Variants in PSMA1 observed in about 807,000 individuals in gnomAD.
PSMA1 encodes proteasome subunit alpha type-1.
A neutral mutation model predicts 38.4 loss-of-function variants in PSMA1; 3 were observed. That is an observed-to-expected ratio of 0.08 (90% CI 0.04 to 0.20). PSMA1 has a LOEUF of 0.20. Ranked by LOEUF, PSMA1 falls within the 10% of genes least tolerant of loss-of-function variation. The pLI is 1.00. For synonymous variants in PSMA1, 101 were observed against 107.1 expected, an observed-to-expected ratio of 0.94 and a Z score of 0.35; for missense variants, 227 against 325.3, an observed-to-expected ratio of 0.70 and a Z score of 2.32.
chr11:14,518,885 G>C, intron 2 of PSMA1, 112 bp downstream of exon 2: 1 of 862,580 alleles, frequency 1.2e-6, no homozygotes, highest in Non-Finnish European at 1.8e-6. Flanking sequence ...TTCCAAGAAC[G>C]TCTAAAATAA....
intron 2 of PSMA1, among the ~76,000 whole-genome samples, chr11:14,535,637 G>T (rs1851698588): frequency 6.6e-6 from 1 of 151,500 alleles, no homozygotes; most frequent in African/African-American, 2.4e-5. Context: ...AGAGACGGGG[G>T]TTTCTCCATT....
chr11:14,554,364 AT>A (rs1322407332), intron 2 of PSMA1, among the ~76,000 whole-genome samples: 1 of 152,166 alleles, frequency 6.6e-6, no homozygotes, highest in Non-Finnish European at 1.5e-5. Context: ...ATTTCTGGGT[AT>A]CATGTTGAGG....
chr11:14,605,043 A>C (rs1264073009), intron 2 of PSMA1, among the ~76,000 whole-genome samples: 1 of 152,122 alleles, frequency 6.6e-6, no homozygotes, highest in Non-Finnish European at 1.5e-5. Context: ...TTGGTAGAAG[A>C]ATTTATTTTC....
At chr11:14,631,021 T>A (rs534290332) in intron 1 of PSMA1, among the ~76,000 whole-genome samples, 89 of 152,334 alleles carry the variant, frequency 5.8e-4, no homozygotes, top group Admixed American at 1.1e-3. Context: ...ATCCCCTTTA[T>A]CATTTTTTAT....
chr11:14,552,734 T>C (rs929202099), intron 2 of PSMA1, among the ~76,000 whole-genome samples: 1 of 152,122 alleles, frequency 6.6e-6, no homozygotes, highest in African/African-American at 2.4e-5. Context: ...AAATGTTTAA[T>C]TCTAATTTTA....
rs144432117 is a variant in PSMA1 at position 14,638,518 on chromosome 11, T to TCTCC, written c.-166+4936_-166+4937insGGAG. ...GTGGAGAAACACACCTCTCTCTCTCTCTCTCTCTCTCTCTCTCTCTCTCTC... is the reference window on the plus strand; with the variant it reads ...GTGGAGAAACACACCTCTCTCTCTCTCTCCCTCTCTCTCTCTCTCTCTCTCTCTC... On this transcript the variant is annotated intron_variant, in intron 1 of 10. Transcript: ENST00000418988. 2.3e-3 allele frequency among the ~76,000 whole-genome samples: 53 copies of TCTCC among 22,988 alleles called. 2 individuals carry two copies. The highest frequency in any genetic ancestry group is 6.2e-3 in the African/African-American group (32 of 5,122). 15.1% of individuals were successfully genotyped at this position (22,988 alleles called of 152,430 possible). A position where few individuals can be genotyped will look rare whatever the true frequency, so the allele number is the denominator to read the frequency against.
At chr11:14,546,010 T>C (rs1362732986) in intron 2 of PSMA1, among the ~76,000 whole-genome samples, 1 of 152,160 alleles carries the variant, frequency 6.6e-6, no homozygotes, top group Non-Finnish European at 1.5e-5. Context: ...ATTCTGTCTC[T>C]AGACTCCTTT....
At chr11:14,532,459 G>A (rs1851657804) in intron 2 of PSMA1, among the ~76,000 whole-genome samples, 1 of 151,982 alleles carries the variant, frequency 6.6e-6, no homozygotes, top group African/African-American at 2.4e-5. Context: ...ACAAAACTTA[G>A]CCCGGCGTAG....
At chr11:14,515,801 G>A (rs867690138) in intron 4 of PSMA1, among the ~76,000 whole-genome samples, 1 of 151,184 alleles carries the variant, frequency 6.6e-6, no homozygotes, top group Non-Finnish European at 1.5e-5. Flanking sequence ...TGATCCACCC[G>A]CTTCAGCCTC....
chr11:14,535,665 G>A (rs770080734), intron 2 of PSMA1, among the ~76,000 whole-genome samples: 3 of 151,810 alleles, frequency 2.0e-5, no homozygotes, highest in Non-Finnish European at 4.4e-5. Flanking sequence ...GGCTGGTCTC[G>A]AACTCCCGAT....
At chr11:14,561,246 T>A (rs1852004028) in intron 2 of PSMA1, among the ~76,000 whole-genome samples, 1 of 152,228 alleles carries the variant, frequency 6.6e-6, no homozygotes, top group African/African-American at 2.4e-5. Flanking sequence ...GCATTTTCCT[T>A]CACCATGCTG....
rs374243163 is a variant in PSMA1 at position 14,638,506 on chromosome 11, C to CCTCTCTCT, written c.-166+4941_-166+4948dup. ...TAAGTTGGCTTAGTGGAGAAACACA[C>CCTCTCTCT]CTCTCTCTCTCTCTCTCTCTCTCTC... On this transcript the variant is annotated intron_variant, in intron 1 of 10. Transcript: ENST00000418988. Among the ~76,000 whole-genome samples, 50 of 31,908 alleles carry CCTCTCTCT rather than the reference C, an allele frequency of 1.6e-3. 1 individual carries two copies. Among genetic ancestry groups the CCTCTCTCT allele is most frequent in the African/African-American group, 2.3e-3 (19 of 8,092 alleles). 20.9% of individuals were successfully genotyped at this position (31,908 alleles called of 152,430 possible). A position where few individuals can be genotyped will look rare whatever the true frequency, so the allele number is the denominator to read the frequency against.
Position 14,577,534 on chromosome 11 carries a change from C to T in PSMA1, c.21+33432G>A, listed in dbSNP as rs749469173. Among the ~76,000 whole-genome samples, 3 of 152,212 alleles carry T rather than the reference C, an allele frequency of 2.0e-5. No individual in the cohort carries two copies. The East Asian group carries it at 5.8e-4, about 29-fold the overall frequency. On this transcript the variant is annotated intron_variant, in intron 2 of 10. Coordinates refer to the PSMA1 transcript ENST00000418988. ...ATCACTAATTCAGGCATCTCACCCT[C>T]TGACCAACTTCCTGTCTCTCCAGAG...
chr11:14,511,283 T>C (rs1193788699), intron 7 of PSMA1, among the ~76,000 whole-genome samples: 1 of 152,198 alleles, frequency 6.6e-6, no homozygotes, highest in African/African-American at 2.4e-5. Flanking sequence ...TATTTGCTCA[T>C]TGTAAAAAGG....
chr11:14,590,077 T>TA (rs1852392797), intron 2 of PSMA1, among the ~76,000 whole-genome samples: 1 of 152,168 alleles, frequency 6.6e-6, no homozygotes, highest in Non-Finnish European at 1.5e-5. Flanking sequence ...ATCATACAAA[T>TA]GAAATAAGCC....
chr11:14,630,216 TGA>T (rs1852982697), intron 1 of PSMA1, among the ~76,000 whole-genome samples: 1 of 152,132 alleles, frequency 6.6e-6, no homozygotes, highest in South Asian at 2.1e-4. Flanking sequence ...ATAGGAGTGG[TGA>T]GAGAGGGCAT....
At chr11:14,642,624 T>A (rs1444598483) in intron 1 of PSMA1, among the ~76,000 whole-genome samples, 1 of 152,152 alleles carries the variant, frequency 6.6e-6, no homozygotes, top group East Asian at 1.9e-4. Flanking sequence ...CTCATCTGCC[T>A]GGAAAAATGT....
chr11:14,589,231 C>T (rs1307492115), intron 2 of PSMA1, among the ~76,000 whole-genome samples: 1 of 151,980 alleles, frequency 6.6e-6, no homozygotes, highest in African/African-American at 2.4e-5. Flanking sequence ...TCCTTTTCTA[C>T]TTTCTTTTTC....
chr11:14,533,585 CTT>C (rs34379633), intron 2 of PSMA1, among the ~76,000 whole-genome samples: 46,139 of 147,404 alleles, frequency 0.31, 8,379 homozygotes, highest in South Asian at 0.44. Context: ...CTTTTCTTTT[CTT>C]TTTTTTTTTT....
Sources: gnomAD v4.1 joint callset for allele counts (sites outside exome capture counted in the v4.1 genomes callset) on GRCh38, gnomAD v4.1.1 for gene constraint, MANE v1.5 for transcripts, NCBI Gene and HGNC (gene_info 2026-07-23, HGNC 2026-07-21) for gene names.